HOMER2: variants seen among roughly 807,000 people sequenced by gnomAD.
HOMER2 encodes homer scaffold protein 2, also known as homer protein homolog 2.
A neutral mutation model predicts 47.0 loss-of-function variants in HOMER2; 27 were observed. The observed-to-expected ratio is 0.57, with a 90% CI of 0.42 to 0.79. The LOEUF is 0.79. Among genes scored for constraint, HOMER2 ranks in the 30% least tolerant of loss-of-function variants. HOMER2 has a pLI of 0.00. For synonymous variants in HOMER2, 161 were observed against 163.8 expected, an observed-to-expected ratio of 0.98 and a Z score of 0.13; for missense variants, 443 against 435.0, an observed-to-expected ratio of 1.02 and a Z score of -0.16.
intron 1 of HOMER2, among the ~76,000 whole-genome samples, chr15:82,901,069 T>G (rs1171531546): frequency 6.6e-6 from 1 of 152,098 alleles, no homozygotes; most frequent in Non-Finnish European, 1.5e-5. Context: ...GAACATACAT[T>G]CTCCTATTGG....
intron 3 of HOMER2, among the ~76,000 whole-genome samples, chr15:82,865,705 A>G (rs1208346751): frequency 2.0e-5 from 3 of 152,210 alleles, no homozygotes; most frequent in African/African-American, 7.2e-5. Flanking sequence ...GGTGACCTGC[A>G]TCCCAGCAGC....
chr15:82,859,038 A>G lies in HOMER2; in HGVS notation c.485T>C (p.Leu162Ser). ...KSENDKLKIA[L>S]TQSAANVKKW... is the part of the protein sequence containing the mutation. ...TTTAAAACAGCCTTACCTCTGCGTC[A>G]AGGCAATCTTCAGCTTGTCATTCTC... The change falls in exon 5 of 9, where the codon TTG becomes TCG. Residue 162 changes from leucine (L) to serine (S), a missense_variant. Physicochemically the swap from Leu to Ser is moderately radical, Grantham distance 145 (BLOSUM62 -2). Coordinates refer to ENST00000450735, the MANE Select transcript of HOMER2 (RefSeq NM_004839.4). The G allele has an allele frequency of 6.2e-7, 1 of 1,613,866 alleles. No homozygotes were observed. The highest frequency in any genetic ancestry group is 1.1e-5 in the South Asian group (1 of 91,054).
At chr15:82,966,137 G>A (rs1048459827) in intron 1 of HOMER2, among the ~76,000 whole-genome samples, 1 of 152,110 alleles carries the variant, frequency 6.6e-6, no homozygotes, top group East Asian at 1.9e-4. Context: ...GTATAACAAA[G>A]TTGGCATTGG....
intron 4 of HOMER2, among the ~76,000 whole-genome samples, chr15:82,861,469 A>G (rs1455168148): frequency 6.6e-6 from 1 of 152,206 alleles, no homozygotes; most frequent in Non-Finnish European, 1.5e-5. Context: ...ACACACCAAA[A>G]CACTAATAAA....
In HOMER2 at chr15:82,916,775, T is replaced by C. The variant is rs373763892; in HGVS notation, c.6-23934A>G. Among the ~76,000 whole-genome samples, 24 of 151,510 alleles carry C rather than the reference T, an allele frequency of 1.6e-4. No homozygotes were observed. In the East Asian group the frequency reaches 4.7e-3, roughly 29 times the overall value. The stretch of plus-strand genomic sequence containing the variant: ...GAGTTGCCAGCTGCTTGGCCCAAAG[T>C]ATGGGCTGCTCTGGAAAGAGCCAGA... On this transcript the variant is annotated intron_variant, in intron 1 of 8. Transcript: ENST00000450735.
chr15:82,927,900 G>A (rs1343424214), intron 1 of HOMER2, among the ~76,000 whole-genome samples: 1 of 151,710 alleles, frequency 6.6e-6, no homozygotes, highest in Non-Finnish European at 1.5e-5. Context: ...AAACCGGGAG[G>A]CGGAAGTTGC....
intron 3 of HOMER2, among the ~76,000 whole-genome samples, chr15:82,864,804 A>C (rs1406395092): frequency 2.0e-5 from 3 of 152,264 alleles, no homozygotes; most frequent in African/African-American, 4.8e-5. Context: ...ATAATAAAAC[A>C]GTTCTTCAAG....
At chr15:82,845,000 C>T (rs1247553924), downstream of HOMER2, 2 of 152,100 alleles carry the variant, frequency 1.3e-5, no homozygotes, top group Non-Finnish European at 2.9e-5. Context: ...CTCTAGGGCC[C>T]AGGAGAACAC....
chr15:82,930,325 TCA>T (rs1349077760), intron 1 of HOMER2, among the ~76,000 whole-genome samples: 1 of 152,204 alleles, frequency 6.6e-6, no homozygotes, highest in East Asian at 1.9e-4. Context: ...CCGGCAGAAC[TCA>T]CTCTTCCACA....
chr15:82,949,632 G>C (rs563122134), intron 1 of HOMER2, among the ~76,000 whole-genome samples: 1 of 152,312 alleles, frequency 6.6e-6, no homozygotes, highest in South Asian at 2.1e-4. Context: ...ATCTTCTGAG[G>C]TGTTTTCAGG....
chr15:82,945,840 G>T lies in HOMER2; in HGVS notation c.5+6691C>A, dbSNP rs1027417729. Among the ~76,000 whole-genome samples the T allele has an allele frequency of 2.6e-5, 4 of 152,136 alleles. No individual in the cohort carries two copies. In the East Asian group the frequency reaches 7.8e-4, roughly 29 times the overall value. ...AAAAAATTAGCCGGGTGTGGTGGCAGGCGCCTGTAGTCCCAGCTACTCGGG... is the reference window on the plus strand; with the variant it reads ...AAAAAATTAGCCGGGTGTGGTGGCATGCGCCTGTAGTCCCAGCTACTCGGG... On this transcript the variant is annotated intron_variant, in intron 1 of 8. Coordinates refer to ENST00000450735, the MANE Select transcript of HOMER2 (RefSeq NM_004839.4).
At chr15:82,895,234 G>A (rs1317094724) in intron 1 of HOMER2, among the ~76,000 whole-genome samples, 1 of 152,138 alleles carries the variant, frequency 6.6e-6, no homozygotes. Flanking sequence ...GGATTACTAG[G>A]GCATTTTTAT....
chr15:82,849,869 T>G lies in HOMER2; in HGVS notation c.878A>C (p.Lys293Thr). Residue 293 changes from lysine (K) to threonine (T), a missense_variant, in exon 9 of 9, where the codon AAA becomes ACA. By Grantham distance (78) the Lys-to-Thr change is moderately conservative. Transcript: ENST00000450735. ...AATGTCTGTCTTTAAGGAACGCACT[T>G]TGTCTTCCAGGTTTTGATTGTCTCT... ...AERDNQNLED[K>T]VRSLKTDIEE... is the part of the protein sequence containing the mutation. 6.2e-7 allele frequency: 1 copy of G among 1,613,878 alleles called. No homozygotes were observed. Among genetic ancestry groups the G allele is most frequent in the Non-Finnish European group, 8.5e-7 (1 of 1,179,804 alleles).
chr15:82,897,888 C>A (rs1413997362), intron 1 of HOMER2, among the ~76,000 whole-genome samples: 1 of 152,126 alleles, frequency 6.6e-6, no homozygotes, highest in East Asian at 1.9e-4. Flanking sequence ...TGCAAGAGAC[C>A]CTGAAGCAAA....
chr15:82,975,504 T>C (rs747016541), intron 1 of HOMER2, among the ~76,000 whole-genome samples: 1 of 152,204 alleles, frequency 6.6e-6, no homozygotes, highest in Non-Finnish European at 1.5e-5. Context: ...GTGGTACATA[T>C]ACACAATGGA....
intron 1 of HOMER2, among the ~76,000 whole-genome samples, chr15:82,909,138 A>G (rs1246074636): frequency 6.6e-6 from 1 of 152,162 alleles, no homozygotes; most frequent in Non-Finnish European, 1.5e-5. Context: ...GAACTCAAAG[A>G]AGTTCAAGAT....
chr15:82,959,711 C>T (rs934886958), intron 1 of HOMER2, among the ~76,000 whole-genome samples: 1 of 152,064 alleles, frequency 6.6e-6, no homozygotes, highest in Non-Finnish European at 1.5e-5. Context: ...GATTCCGATG[C>T]GCAGCCAGGG....
At chr15:82,897,254 C>CG (rs2052963717) in intron 1 of HOMER2, among the ~76,000 whole-genome samples, 1 of 151,730 alleles carries the variant, frequency 6.6e-6, no homozygotes, top group Non-Finnish European at 1.5e-5. Flanking sequence ...TTAGTAGAGA[C>CG]GGGGTTTCAC....
chr15:82,838,912 T>C (rs2051151054), exon 2 of HOMER2: 1 of 152,242 alleles, frequency 6.6e-6, no homozygotes, highest in Non-Finnish European at 1.5e-5. Context: ...CGGTTCTGTG[T>C]TTGATACAGA....
Sources: gnomAD v4.1 joint callset for allele counts (sites outside exome capture counted in the v4.1 genomes callset) on GRCh38, gnomAD v4.1.1 for gene constraint, MANE v1.5 for transcripts, NCBI Gene and HGNC (gene_info 2026-07-23, HGNC 2026-07-21) for gene names.